The following ARB2A variants were observed in gnomAD, a reference collection of about 807,000 sequenced individuals.
The protein encoded by ARB2A is cotranscriptional regulator ARB2A.
the ARB2A span, among the ~76,000 whole-genome samples, chr5:93,693,768 T>A: frequency 1.3e-5 from 2 of 152,158 alleles, no homozygotes; most frequent in East Asian, 3.9e-4. Context: ...ATGTCTCTCA[T>A]GAACATCGAT....
the ARB2A span, among the ~76,000 whole-genome samples, chr5:94,068,120 C>G: frequency 6.6e-6 from 1 of 152,142 alleles, no homozygotes; most frequent in Non-Finnish European, 1.5e-5. Context: ...TGGCAGCAAG[C>G]CTTTTGTTCT....
chr5:94,080,911 T>G, the ARB2A span, among the ~76,000 whole-genome samples: 1 of 152,212 alleles, frequency 6.6e-6, no homozygotes, highest in Admixed American at 6.5e-5. Flanking sequence ...CAATGTCCTT[T>G]TCTAACGGTT....
chr5:93,986,350 C>A, the ARB2A span, among the ~76,000 whole-genome samples: 6 of 151,826 alleles, frequency 4.0e-5, no homozygotes, highest in Admixed American at 6.5e-5. Context: ...CGGCAGCCAC[C>A]GTGTCTGGTA....
the ARB2A span, among the ~76,000 whole-genome samples, chr5:93,935,045 G>C: frequency 6.6e-6 from 1 of 152,172 alleles, no homozygotes; most frequent in Non-Finnish European, 1.5e-5. Context: ...AAAGGCATAA[G>C]AATGATACAA....
chr5:94,102,925 A>G, the ARB2A span, among the ~76,000 whole-genome samples: 3 of 152,172 alleles, frequency 2.0e-5, no homozygotes, highest in Admixed American at 6.5e-5. Flanking sequence ...ACTTTGCTTC[A>G]TAAGTAAAAG....
chr5:93,997,203 C>G, the ARB2A span, among the ~76,000 whole-genome samples: 2 of 151,958 alleles, frequency 1.3e-5, no homozygotes, highest in Non-Finnish European at 2.9e-5. Context: ...ATCACCATCA[C>G]TAAACATAAG....
the ARB2A span, among the ~76,000 whole-genome samples, chr5:93,789,961 T>G: frequency 6.6e-6 from 1 of 152,200 alleles, no homozygotes; most frequent in Non-Finnish European, 1.5e-5. Flanking sequence ...AGTATGACAT[T>G]CAACTCTCCT....
the ARB2A span, among the ~76,000 whole-genome samples, chr5:94,043,705 G>A: frequency 2.0e-5 from 3 of 152,184 alleles, no homozygotes; most frequent in Non-Finnish European, 4.4e-5. Context: ...GGAGACCCAA[G>A]TTATCTTGGG....
chr5:93,795,979 AC>A, the ARB2A span, among the ~76,000 whole-genome samples: 1 of 152,248 alleles, frequency 6.6e-6, no homozygotes, highest in Non-Finnish European at 1.5e-5. Context: ...TGATTTCAAA[AC>A]TAAATGCATC....
chr5:94,023,295 A>G, the ARB2A span, among the ~76,000 whole-genome samples: 1 of 152,212 alleles, frequency 6.6e-6, no homozygotes, highest in Non-Finnish European at 1.5e-5. Context: ...TATCACTATC[A>G]GCACCATAGA....
the ARB2A span, among the ~76,000 whole-genome samples, chr5:94,108,153 T>C: frequency 2.0e-5 from 3 of 152,290 alleles, no homozygotes; most frequent in Middle Eastern, 3.4e-3. Flanking sequence ...GAACACGTCT[T>C]TTCTGTTTCT....
chr5:93,792,687 T>A, the ARB2A span, among the ~76,000 whole-genome samples: 1 of 114,016 alleles, frequency 8.8e-6, no homozygotes, highest in African/African-American at 3.5e-5. Context: ...AACATCACAC[T>A]CTGGGGACTG....
chr5:93,827,736 C>T, the ARB2A span, among the ~76,000 whole-genome samples: 60 of 151,468 alleles, frequency 4.0e-4, 1 homozygote, highest in Admixed American at 3.2e-3. Context: ...TTAGGTCTAA[C>T]GTTTAAGTCT....
At chr5:93,672,557 C>T in the ARB2A span, among the ~76,000 whole-genome samples, 714 of 152,188 alleles carry the variant, frequency 4.7e-3, 24 homozygotes, top group Non-Finnish European at 1.1e-3. Context: ...ATCCACCCGC[C>T]TCAGCCTCCC....
At chr5:93,639,310 C>T in the ARB2A span, among the ~76,000 whole-genome samples, 1 of 152,136 alleles carries the variant, frequency 6.6e-6, no homozygotes, top group African/African-American at 2.4e-5. Context: ...TTCTTCTCAT[C>T]CTAGTTAAGA....
At chr5:93,861,866 C>A in the ARB2A span, 1 of 152,088 alleles carries the variant, frequency 6.6e-6, no homozygotes, top group Non-Finnish European at 1.5e-5. Context: ...ATACATTAGG[C>A]CATACAAAAC....
chr5:93,640,480 A>G, the ARB2A span, among the ~76,000 whole-genome samples: 1 of 151,636 alleles, frequency 6.6e-6, no homozygotes, highest in Non-Finnish European at 1.5e-5. Flanking sequence ...CTTAATCCTT[A>G]CCTTATGGAT....
the ARB2A span, among the ~76,000 whole-genome samples, chr5:93,982,910 G>T: frequency 6.6e-6 from 1 of 151,906 alleles, no homozygotes; most frequent in Non-Finnish European, 1.5e-5. Flanking sequence ...CAAACATTAG[G>T]CAGGCATGGT....
At chr5:93,947,667 TC>T in the ARB2A span, among the ~76,000 whole-genome samples, 3 of 68,856 alleles carry the variant, frequency 4.4e-5, no homozygotes, top group African/African-American at 1.8e-4. Context: ...CCCTCCCCCC[TC>T]CCCCCACCCC....
Sources: allele counts gnomAD v4.1 joint callset (sites outside exome capture counted in the v4.1 genomes callset), GRCh38; gene constraint gnomAD v4.1.1; transcripts MANE v1.5; gene names NCBI Gene and HGNC (gene_info 2026-07-23, HGNC 2026-07-21).